CA10: variants seen among roughly 807,000 people sequenced by gnomAD.
The protein encoded by CA10 is carbonic anhydrase-related protein 10.
A neutral mutation model predicts 44.2 loss-of-function variants in CA10; 14 were observed. The ratio of observed to expected loss-of-function variants is 0.32; its 90% CI spans 0.21 to 0.50. The LOEUF (loss-of-function observed/expected upper bound fraction) is 0.50. Among genes scored for constraint, CA10 ranks in the 20% least tolerant of loss-of-function variants. The pLI, the probability that CA10 is intolerant of heterozygous loss-of-function variation, is 0.99. For missense variants in CA10, 350 were observed against 409.7 expected (o/e 0.85, Z 1.26); for synonymous variants, 159 against 141.6 (o/e 1.12, Z -0.87).
intron 4 of CA10, among the ~76,000 whole-genome samples, chr17:51,674,954 T>C (rs1343782283): frequency 1.3e-5 from 2 of 152,234 alleles, no homozygotes; most frequent in East Asian, 3.8e-4. Context: ...TAACTAGTTA[T>C]TTCCTGTAAG....
At chr17:51,695,277 A>G (rs1915362742) in intron 4 of CA10, among the ~76,000 whole-genome samples, 1 of 152,108 alleles carries the variant, frequency 6.6e-6, no homozygotes, top group African/African-American at 2.4e-5. Context: ...GATTCTTCCA[A>G]TCCATGAGCA....
chr17:51,676,994 G>C (rs1392228447), intron 4 of CA10, among the ~76,000 whole-genome samples: 1 of 152,156 alleles, frequency 6.6e-6, no homozygotes, highest in African/African-American at 2.4e-5. Flanking sequence ...TTGATATCTG[G>C]TGTTTGTTTT....
intron 7 of CA10, among the ~76,000 whole-genome samples, chr17:51,634,903 C>G (rs570530871): frequency 2.6e-5 from 4 of 152,278 alleles, no homozygotes; most frequent in African/African-American, 9.6e-5. Context: ...AGAATACACT[C>G]TGGGAATTAA....
At chr17:51,648,964 T>C (rs1333201938) in intron 6 of CA10, among the ~76,000 whole-genome samples, 3 of 151,912 alleles carry the variant, frequency 2.0e-5, no homozygotes, top group African/African-American at 7.2e-5. Flanking sequence ...TCATAATCAT[T>C]ATCACCTTAG....
intron 4 of CA10, among the ~76,000 whole-genome samples, chr17:51,737,344 G>A (rs917119693): frequency 1.3e-5 from 2 of 152,062 alleles, no homozygotes; most frequent in Non-Finnish European, 2.9e-5. Flanking sequence ...TACAGCTGAT[G>A]GTAGAAGTCA....
intron 2 of CA10, among the ~76,000 whole-genome samples, chr17:51,955,927 T>C (rs1024011231): frequency 6.6e-6 from 1 of 152,056 alleles, no homozygotes; most frequent in Non-Finnish European, 1.5e-5. Context: ...CAAACCACCA[T>C]GGCACGTGTA....
At chr17:51,897,370 G>A (rs981548174) in intron 3 of CA10, among the ~76,000 whole-genome samples, 1 of 151,840 alleles carries the variant, frequency 6.6e-6, no homozygotes, top group African/African-American at 2.4e-5. Context: ...GAGATCAGAT[G>A]GTTGTAGGTG....
At chr17:51,939,936 T>C (rs1390545683) in intron 2 of CA10, among the ~76,000 whole-genome samples, 1 of 152,126 alleles carries the variant, frequency 6.6e-6, no homozygotes, top group East Asian at 1.9e-4. Context: ...ATAAGGTTTC[T>C]GGGTTTTCTC....
chr17:51,819,476 A>G (rs939745621), intron 3 of CA10, among the ~76,000 whole-genome samples: 1 of 152,188 alleles, frequency 6.6e-6, no homozygotes, highest in South Asian at 2.1e-4. Flanking sequence ...AGCCACTGAC[A>G]GAGGTCACAG....
intron 3 of CA10, among the ~76,000 whole-genome samples, chr17:51,808,098 A>G (rs561335475): frequency 6.6e-6 from 1 of 152,332 alleles, no homozygotes; most frequent in African/African-American, 2.4e-5. Context: ...TAAGAATATT[A>G]GGCTTAGGGA....
chr17:51,671,405 G>GTA (rs2143350480), intron 4 of CA10, among the ~76,000 whole-genome samples: 1 of 151,648 alleles, frequency 6.6e-6, no homozygotes, highest in South Asian at 2.1e-4. Flanking sequence ...CATTTTTTTT[G>GTA]TTTTTGTTTT....
At chr17:51,887,807 T>A (rs1043832280) in intron 3 of CA10, among the ~76,000 whole-genome samples, 1 of 141,536 alleles carries the variant, frequency 7.1e-6, no homozygotes, top group African/African-American at 2.7e-5. Context: ...CTGGCCAAGA[T>A]GGTGAAACCC....
At chr17:51,725,838 C>T (rs776613681) in intron 4 of CA10, among the ~76,000 whole-genome samples, 1 of 152,094 alleles carries the variant, frequency 6.6e-6, no homozygotes, top group Non-Finnish European at 1.5e-5. Flanking sequence ...TTATTGAGTG[C>T]CTACTCTATG....
At chr17:52,009,079 A>G (rs922510765) in intron 2 of CA10, among the ~76,000 whole-genome samples, 7 of 152,106 alleles carry the variant, frequency 4.6e-5, no homozygotes, top group Admixed American at 3.9e-4. Flanking sequence ...AGATATGAAC[A>G]TAGCCCTTAA....
At chr17:51,758,040 T>G (rs1165867342) in intron 3 of CA10, among the ~76,000 whole-genome samples, 1 of 152,116 alleles carries the variant, frequency 6.6e-6, no homozygotes, top group East Asian at 1.9e-4. Context: ...GTTGATGTAC[T>G]TCTGAGATCT....
At chr17:52,107,419 A>AT (rs1253346926) in intron 1 of CA10, among the ~76,000 whole-genome samples, 1 of 152,066 alleles carries the variant, frequency 6.6e-6, no homozygotes, top group Admixed American at 6.6e-5. Context: ...TTAAAAGGTT[A>AT]TTTTTTCTTT....
intron 2 of CA10, among the ~76,000 whole-genome samples, chr17:52,009,671 T>C (rs1985718429): frequency 6.6e-6 from 1 of 152,026 alleles, no homozygotes; most frequent in African/African-American, 2.4e-5. Context: ...ATGTTTAATT[T>C]TAGAGTGATA....
chr17:51,675,803 G>T (rs1914610196), intron 4 of CA10, among the ~76,000 whole-genome samples: 1 of 152,088 alleles, frequency 6.6e-6, no homozygotes, highest in Non-Finnish European at 1.5e-5. Context: ...AGTACTTGTG[G>T]TTTTTGCCAT....
chr17:51,872,846 A>T (rs192861844), intron 3 of CA10, among the ~76,000 whole-genome samples: 1 of 152,352 alleles, frequency 6.6e-6, no homozygotes, highest in Non-Finnish European at 1.5e-5. Context: ...CCAGTACTGC[A>T]CCAAGTATGT....
Sources: gnomAD v4.1 joint callset for allele counts (sites outside exome capture counted in the v4.1 genomes callset) on GRCh38, gnomAD v4.1.1 for gene constraint, MANE v1.5 for transcripts, NCBI Gene and HGNC (gene_info 2026-07-23, HGNC 2026-07-21) for gene names.